Variants in STEAP4 observed in about 807,000 individuals in gnomAD.
STEAP4 encodes the protein STEAP4 metalloreductase.
STEAP4 carries 36 observed loss-of-function variants against 43.6 expected under a neutral mutation model. The ratio of observed to expected loss-of-function variants is 0.83; its 90% CI spans 0.63 to 1.09. The LOEUF (loss-of-function observed/expected upper bound fraction) is 1.09, where lower values mean the gene tolerates loss of function less well. Ranked by LOEUF, STEAP4 falls within the 50% of genes least tolerant of loss-of-function variation. The probability of loss-of-function intolerance (pLI) is 0.00; values close to 1 mark genes in which losing one functional copy is unlikely to be tolerated. For missense variants in STEAP4, 495 were observed against 546.5 expected (o/e 0.91, Z 0.94); for synonymous variants, 191 against 196.7 (o/e 0.97, Z 0.24).
intron 1 of STEAP4, among the ~76,000 whole-genome samples, chr7:88,303,357 A>T (rs1476452593): frequency 6.6e-6 from 1 of 151,260 alleles, no homozygotes; most frequent in East Asian, 2.0e-4. Flanking sequence ...TTAGCTGGGC[A>T]TTGTGGTGGG....
rs1852463647 is a variant in STEAP4, at chr7:88,273,247, C to G, written c.*6151G>C. The stretch of plus-strand genomic sequence containing the variant: ...AATGAAATGAGAACAGGAAGTCTGT[C>G]ATTCTTTTTCATCTCTATCTTAGCA... On this transcript the variant is annotated 3_prime_UTR_variant, in exon 5 of 5. Coordinates refer to ENST00000380079, the MANE Select transcript of STEAP4 (RefSeq NM_024636.4). 1.3e-5 allele frequency: 2 copies of G among 152,284 alleles called. No individual in the cohort carries two copies. The highest frequency in any genetic ancestry group is 4.1e-4 in the South Asian group (2 of 4,822). The allele number at this position is 152,284 out of a possible 1,614,324, so 9.4% of individuals were successfully genotyped here.
At chr7:88,299,976 G>A (rs1203556838) in intron 1 of STEAP4, among the ~76,000 whole-genome samples, 1 of 152,148 alleles carries the variant, frequency 6.6e-6, no homozygotes, top group East Asian at 1.9e-4. Flanking sequence ...GGCACTCAGA[G>A]GCAAGGACTC....
chr7:88,306,243 C>T (rs887926338), intron 1 of STEAP4, among the ~76,000 whole-genome samples: 2 of 152,176 alleles, frequency 1.3e-5, no homozygotes, highest in African/African-American at 4.8e-5. Context: ...AAAATTCTGT[C>T]TCTGGACAAA....
rs1852480336 is a variant in STEAP4, at chr7:88,274,353, C to T, written c.*5045G>A. 1 of 152,218 alleles carries T rather than the reference C, an allele frequency of 6.6e-6. No homozygotes were observed. The highest frequency in any genetic ancestry group is 2.4e-5 in the African/African-American group (1 of 41,464). 9.4% of individuals were successfully genotyped at this position (152,218 alleles called of 1,614,324 possible). On this transcript the variant is annotated 3_prime_UTR_variant, in exon 5 of 5. Transcript: ENST00000380079. ...CAGCAGAAAGCAAGTAGTACTGGAT[C>T]CTTTTGGCTTTTGCTGGGTAATGGC...
intron 1 of STEAP4, chr7:88,298,385 G>C (rs913092545): frequency 6.6e-6 from 1 of 151,152 alleles, no homozygotes; most frequent in Non-Finnish European, 1.5e-5. Flanking sequence ...ATGTCAACTA[G>C]AACTAAGATA....
chr7:88,288,813 T>C (rs1262157995), intron 1 of STEAP4, among the ~76,000 whole-genome samples: 6 of 152,102 alleles, frequency 3.9e-5, no homozygotes, highest in African/African-American at 2.4e-5. Context: ...ATATTCTTAA[T>C]ATTACCCAAA....
At chr7:88,303,606 T>C (rs1057223395) in intron 1 of STEAP4, among the ~76,000 whole-genome samples, 1 of 151,990 alleles carries the variant, frequency 6.6e-6, no homozygotes, top group Admixed American at 6.6e-5. Context: ...TTACAGAACA[T>C]TGTGGAGAAG....
At position 88,284,292 on chromosome 7, in the gene STEAP4, T is replaced by C. The variant is rs778093225; in HGVS notation, c.-2-21A>G. 7 of 1,488,036 alleles carry C rather than the reference T, an allele frequency of 4.7e-6. No homozygotes were observed. In the East Asian group the frequency reaches 1.6e-4, roughly 34 times the overall value. 92.2% of individuals were successfully genotyped at this position (1,488,036 alleles called of 1,614,324 possible). On this transcript the variant is annotated intron_variant, in intron 1 of 4. Transcript: ENST00000380079. ...CATAACTGAAAAATAATAACACAAA[T>C]GCCCAACAAAATATAAATGCTCTGT...
chr7:88,297,881 A>G (rs1326857714), intron 1 of STEAP4, among the ~76,000 whole-genome samples: 1 of 152,196 alleles, frequency 6.6e-6, no homozygotes, highest in Non-Finnish European at 1.5e-5. Context: ...AACTGCCCAC[A>G]TTTTAGCTTG....
intron 1 of STEAP4, among the ~76,000 whole-genome samples, chr7:88,286,778 C>T (rs950195673): frequency 2.7e-5 from 4 of 145,644 alleles, no homozygotes; most frequent in Non-Finnish European, 6.2e-5. Context: ...CACACACACA[C>T]ACACACACAC....
intron 1 of STEAP4, among the ~76,000 whole-genome samples, chr7:88,286,764 AACACACAC>A (rs61360123): frequency 0.015 from 1,955 of 133,818 alleles, 43 homozygotes; most frequent in African/African-American, 0.05. Context: ...CATACATATA[AACACACAC>A]ACACACACAC....
chr7:88,285,290 G>A (rs1413505701), intron 1 of STEAP4, among the ~76,000 whole-genome samples: 1 of 152,108 alleles, frequency 6.6e-6, no homozygotes, highest in Non-Finnish European at 1.5e-5. Flanking sequence ...AGCAAGATAT[G>A]TGCAACATAT....
chr7:88,291,436 G>A (rs1289882022), intron 1 of STEAP4, among the ~76,000 whole-genome samples: 4 of 150,316 alleles, frequency 2.7e-5, no homozygotes, highest in Admixed American at 6.7e-5. Context: ...GTAGTGAGCC[G>A]AGATCGCACT....
intron 1 of STEAP4, among the ~76,000 whole-genome samples, chr7:88,293,881 CTA>C (rs1196183596): frequency 6.6e-6 from 1 of 151,740 alleles, no homozygotes; most frequent in Non-Finnish European, 1.5e-5. Context: ...ATTCTTCCCA[CTA>C]TGTTTTTTTT....
chr7:88,299,591 T>G (rs965483696), intron 1 of STEAP4, among the ~76,000 whole-genome samples: 1 of 152,266 alleles, frequency 6.6e-6, no homozygotes, highest in South Asian at 2.1e-4. Context: ...CTTAATCTGA[T>G]GATCTGCATC....
intron 4 of STEAP4, 167 bp from the exon 5 acceptor site, chr7:88,279,795 G>A: frequency 8.4e-6 from 5 of 598,624 alleles, no homozygotes; most frequent in South Asian, 4.2e-5. Flanking sequence ...TCTTCAGGAT[G>A]GTAAATACTT....
At position 88,277,239 on chromosome 7, in the gene STEAP4, C is replaced by T. The variant is rs1420329717; in HGVS notation, c.*2159G>A. ...GTCAGCACCGTATACCATGACTCTA[C>T]TCAATGTCGTCCAACTTTTTGTATC... On this transcript the variant is annotated 3_prime_UTR_variant, in exon 5 of 5. Transcript: ENST00000380079. 6.6e-6 allele frequency: 1 copy of T among 152,176 alleles called. No individual in the cohort carries two copies. The highest frequency in any genetic ancestry group is 1.9e-4 in the East Asian group (1 of 5,190). The allele number at this position is 152,176 out of a possible 1,614,324, so 9.4% of individuals were successfully genotyped here.
rs1454694431 is a variant in STEAP4 at position 88,276,139 on chromosome 7, T to G, written c.*3259A>C. The stretch of plus-strand genomic sequence containing the variant: ...ATTCTCACAAAAATCCAGCGTGGGA[T>G]AGTGCAGTCCTCCCCATTTAGCCAT... On this transcript the variant is annotated 3_prime_UTR_variant, in exon 5 of 5. Coordinates refer to ENST00000380079, the MANE Select transcript of STEAP4 (RefSeq NM_024636.4). 4 of 152,302 alleles carry G rather than the reference T, an allele frequency of 2.6e-5. No individual in the cohort carries two copies. Among genetic ancestry groups the G allele is most frequent in the Non-Finnish European group, 4.4e-5 (3 of 68,128 alleles). The allele number at this position is 152,302 out of a possible 1,614,324, so 9.4% of individuals were successfully genotyped here. A position where few individuals can be genotyped will look rare whatever the true frequency, so the allele number is the denominator to read the frequency against.
chr7:88,298,085 G>A (rs949863597), intron 1 of STEAP4, among the ~76,000 whole-genome samples: 10 of 151,930 alleles, frequency 6.6e-5, no homozygotes, highest in Admixed American at 1.3e-4. Flanking sequence ...TAGTGCTATC[G>A]TGCCATTGTC....
Sources: allele counts gnomAD v4.1 joint callset (sites outside exome capture counted in the v4.1 genomes callset), GRCh38; gene constraint gnomAD v4.1.1; transcripts MANE v1.5; gene names NCBI Gene and HGNC (gene_info 2026-07-23, HGNC 2026-07-21).